CUL4B: variants seen among roughly 807,000 people sequenced by gnomAD.
CUL4B encodes cullin-4B.
A neutral mutation model predicts 69.2 loss-of-function variants in CUL4B; 1 was observed. The observed-to-expected ratio is 0.01, with a 90% CI of 0.01 to 0.07. The LOEUF (loss-of-function observed/expected upper bound fraction) is 0.07, where lower values mean the gene tolerates loss of function less well. Among genes scored for constraint, CUL4B ranks in the 10% least tolerant of loss-of-function variants. The pLI is 1.00. For missense variants in CUL4B, 328 were observed against 638.8 expected (o/e 0.51, Z 5.24); for synonymous variants, 237 against 223.2 (o/e 1.06, Z -0.55).
intron 16 of CUL4B, among the ~76,000 whole-genome samples, 186 bp from the exon 17 acceptor site, chrX:120,534,772 A>G (rs1234173900): frequency 1.8e-5 from 2 of 111,654 alleles, no homozygotes; most frequent in East Asian, 5.6e-4. Context: ...CCTACCTAAA[A>G]TAGGGGGAAG....
downstream of CUL4B, among the ~76,000 whole-genome samples, chrX:120,569,429 T>A (rs1925650147): frequency 9.3e-6 from 1 of 107,961 alleles, no homozygotes; most frequent in Non-Finnish European, 1.9e-5. Flanking sequence ...GGTGCCATCT[T>A]GGCTCACTGC....
chrX:120,565,670 CAAA>C (rs1198327776), upstream of CUL4B, among the ~76,000 whole-genome samples: 376 of 22,299 alleles, frequency 0.017, no homozygotes, highest in African/African-American at 0.071. Context: ...TGACAGAGTG[CAAA>C]AAAAAAAAAA....
intron 17 of CUL4B, among the ~76,000 whole-genome samples, chrX:120,533,166 A>G (rs1477882322): frequency 8.9e-6 from 1 of 111,996 alleles, no homozygotes; most frequent in East Asian, 2.8e-4. Flanking sequence ...CATCCTCAAC[A>G]TAATAGCTAG....
intron 2 of CUL4B, among the ~76,000 whole-genome samples, chrX:120,556,468 T>C (rs1225130702): frequency 2.7e-5 from 3 of 111,791 alleles, no homozygotes; most frequent in African/African-American, 6.5e-5. Context: ...AAATATCTTA[T>C]TTGATTCTTA....
intron 9 of CUL4B, 91 bp from the exon 10 acceptor site, chrX:120,541,811 AT>A: frequency 3.4e-6 from 2 of 594,656 alleles, no homozygotes; most frequent in Non-Finnish European, 2.9e-6. Flanking sequence ...AGTTATAATC[AT>A]TATTGTGATA....
chrX:120,543,495 A>ACACAC (rs1924126198), intron 8 of CUL4B, among the ~76,000 whole-genome samples: 1 of 98,154 alleles, frequency 1.0e-5, no homozygotes, highest in Non-Finnish European at 2.1e-5. Flanking sequence ...TTACCTTCTA[A>ACACAC]ACACACACAC....
chrX:120,567,323 T>C (rs62616189), downstream of CUL4B, among the ~76,000 whole-genome samples: 43,690 of 106,493 alleles, frequency 0.41, 7,539 homozygotes, highest in African/African-American at 0.63. Flanking sequence ...AATGGGGTTT[T>C]GCCATGTTGG....
intron 2 of CUL4B, among the ~76,000 whole-genome samples, chrX:120,549,738 C>T (rs1924576081): frequency 9.0e-6 from 1 of 111,551 alleles, no homozygotes; most frequent in Non-Finnish European, 1.9e-5. Context: ...GCCACAAATG[C>T]TTAAGGGAAT....
intron 2 of CUL4B, among the ~76,000 whole-genome samples, chrX:120,555,668 G>T (rs780152474): frequency 9.1e-6 from 1 of 110,254 alleles, no homozygotes; most frequent in African/African-American, 3.3e-5. Context: ...TAGGCCAGGC[G>T]CGGTGGCTCA....
rs1426851098 is a variant in CUL4B at position 120,560,707 on chromosome X, A to G, written c.-69T>C. ...GTTTATATGCCTGCGTGCGTGTAGG[A>G]GAGAAGGTAGCAATGCTAGAGGGGG... On this transcript the variant is annotated 5_prime_UTR_variant, in exon 1 of 20. Coordinates refer to ENST00000371322, the MANE Select transcript of CUL4B (RefSeq NM_001079872.2). 3.8e-5 allele frequency: 43 copies of G among 1,132,987 alleles called. No individual in the cohort carries two copies. The highest frequency in any genetic ancestry group is 4.9e-5 in the Non-Finnish European group (42 of 856,621). The allele number at this position is 1,132,987 out of a possible 1,213,427, so 93.4% of individuals were successfully genotyped here.
intron 2 of CUL4B, among the ~76,000 whole-genome samples, chrX:120,572,324 G>A (rs1372603198): frequency 9.2e-6 from 1 of 108,753 alleles, no homozygotes; most frequent in Non-Finnish European, 1.9e-5. Flanking sequence ...AATTAGCCGG[G>A]TGTGGTGGCG....
intron 5 of CUL4B, 27 bp from the exon 6 acceptor site, chrX:120,544,670 A>C: frequency 8.6e-7 from 1 of 1,158,281 alleles, no homozygotes; most frequent in Non-Finnish European, 1.2e-6. Context: ...ATATAACCTA[A>C]ATTAATTGAC....
In CUL4B at chrX:120,541,066, C is replaced by T. The variant is rs774608326; in HGVS notation, c.1444-504G>A. Among the ~76,000 whole-genome samples, 5 of 112,660 alleles carry T rather than the reference C, an allele frequency of 4.4e-5. No individual in the cohort carries two copies. In the South Asian group the frequency reaches 1.8e-3, roughly 41 times the overall value. ...GGTTCAAAGTCTTTTTCTACATTTACTGCTTTAAGTGGTAGAGACAGAAAT... is the reference window on the plus strand; with the variant it reads ...GGTTCAAAGTCTTTTTCTACATTTATTGCTTTAAGTGGTAGAGACAGAAAT... On this transcript the variant is annotated intron_variant, in intron 10 of 19. Coordinates refer to ENST00000371322, the MANE Select transcript of CUL4B (RefSeq NM_001079872.2).
rs373387518 is a variant in CUL4B, at chrX:120,535,958, A to G, written c.2047-15T>C. ...AGTTTTACCATCTAAAGTAAATAAA[A>G]TAAGGCTTTATTTAAGCTCTGTATC... On this transcript the variant is annotated splice_polypyrimidine_tract_variant and intron_variant, in intron 15 of 19. Coordinates refer to ENST00000371322, the MANE Select transcript of CUL4B (RefSeq NM_001079872.2). 2.9e-6 allele frequency: 3 copies of G among 1,047,133 alleles called. No homozygotes were observed. The African/African-American group carries it at 5.6e-5, about 19-fold the overall frequency. 86.3% of individuals were successfully genotyped at this position (1,047,133 alleles called of 1,213,427 possible). A position where few individuals can be genotyped will look rare whatever the true frequency, so the allele number is the denominator to read the frequency against.
chrX:120,527,793 T>A (rs1203393898), intron 19 of CUL4B, among the ~76,000 whole-genome samples: 2 of 112,083 alleles, frequency 1.8e-5, no homozygotes, highest in Admixed American at 1.9e-4. Flanking sequence ...TTTAGAGCAT[T>A]TCAGATTTTG....
intron 13 of CUL4B, 173 bp from the exon 14 acceptor site, chrX:120,538,382 C>T (rs1325666397): frequency 7.3e-6 from 3 of 413,778 alleles, no homozygotes; most frequent in Non-Finnish European, 1.2e-5. Context: ...CAGAGTCAAA[C>T]TCTTTAATCC....
At chrX:120,551,349 C>T (rs1924675000) in intron 2 of CUL4B, among the ~76,000 whole-genome samples, 1 of 110,230 alleles carries the variant, frequency 9.1e-6, no homozygotes, top group African/African-American at 3.3e-5. Context: ...AAGCATGCGC[C>T]GCCACACTCA....
At chrX:120,536,766 C>T (rs192558088) in intron 15 of CUL4B, among the ~76,000 whole-genome samples, 161 bp downstream of exon 15, 15 of 111,520 alleles carry the variant, frequency 1.3e-4, no homozygotes, top group African/African-American at 2.6e-4. Flanking sequence ...AAGGCTGAGG[C>T]GGGGGGGATC....
intron 16 of CUL4B, among the ~76,000 whole-genome samples, chrX:120,535,002 T>TC (rs1475043127): frequency 8.9e-6 from 1 of 111,902 alleles, no homozygotes; most frequent in Admixed American, 9.5e-5. Context: ...CCCACTCTAT[T>TC]CGTAGCTCCC....
Sources: allele counts gnomAD v4.1 joint callset (sites outside exome capture counted in the v4.1 genomes callset), GRCh38; gene constraint gnomAD v4.1.1; transcripts MANE v1.5; gene names NCBI Gene and HGNC (gene_info 2026-07-23, HGNC 2026-07-21).